The following PRKG2 variants were observed in gnomAD, a reference collection of about 807,000 sequenced individuals.
PRKG2 encodes protein kinase cGMP-dependent 2.
Under a neutral mutation model 97.2 loss-of-function variants are expected in PRKG2, and 33 were observed. The observed-to-expected ratio is 0.34, with a 90% CI of 0.26 to 0.45. The LOEUF (loss-of-function observed/expected upper bound fraction) is 0.45, where lower values mean the gene tolerates loss of function less well. Among genes scored for constraint, PRKG2 ranks in the 20% least tolerant of loss-of-function variants. The pLI is 1.00. For missense variants in PRKG2, 638 were observed against 900.0 expected (o/e 0.71, Z 3.73); for synonymous variants, 330 against 321.8 (o/e 1.03, Z -0.27).
intron 14 of PRKG2, among the ~76,000 whole-genome samples, chr4:81,114,545 C>T (rs1744313253): frequency 6.6e-6 from 1 of 152,084 alleles, no homozygotes; most frequent in South Asian, 2.1e-4. Context: ...TCAAGTACAG[C>T]TAATAATGGT....
At chr4:81,135,107 C>T (rs1465095122) in intron 14 of PRKG2, 48 bp downstream of exon 14, 4 of 1,503,994 alleles carry the variant, frequency 2.7e-6, no homozygotes, top group Non-Finnish European at 2.7e-6. Context: ...CAACTTTTGC[C>T]AGGGGAAATA....
chr4:81,129,284 T>C (rs1264669635), intron 14 of PRKG2, among the ~76,000 whole-genome samples: 2 of 152,212 alleles, frequency 1.3e-5, no homozygotes, highest in Non-Finnish European at 2.9e-5. Context: ...ATAAATATTC[T>C]GTTGACTTGC....
At chr4:81,135,637 G>A (rs1746607595) in intron 13 of PRKG2, among the ~76,000 whole-genome samples, 1 of 152,150 alleles carries the variant, frequency 6.6e-6, no homozygotes, top group South Asian at 2.1e-4. Flanking sequence ...TACTATAGTG[G>A]AGAGCTTGAA....
At chr4:81,127,762 C>T (rs1379090779) in intron 14 of PRKG2, among the ~76,000 whole-genome samples, 1 of 152,204 alleles carries the variant, frequency 6.6e-6, no homozygotes, top group Non-Finnish European at 1.5e-5. Flanking sequence ...AATATACAAT[C>T]ATGTCATCTG....
chr4:81,187,778 T>C (rs935470132), intron 2 of PRKG2, among the ~76,000 whole-genome samples: 2 of 152,106 alleles, frequency 1.3e-5, no homozygotes, highest in Admixed American at 6.6e-5. Context: ...CTCAGGATCC[T>C]AAATCAATGT....
At position 81,204,638 on chromosome 4, in the gene PRKG2, T is replaced by C; in HGVS notation, c.410A>G (p.Asn137Ser). 1 of 1,614,186 alleles carries C rather than the reference T, an allele frequency of 6.2e-7. No homozygotes were observed. The highest frequency in any genetic ancestry group is 1.1e-5 in the South Asian group (1 of 91,076). The change falls in exon 2 of 19, where the codon AAC (asparagine) becomes AGC (serine). Residue 137 changes from asparagine (N) to serine (S), a missense_variant. Asn to Ser is a conservative substitution (Grantham distance 46). Coordinates refer to ENST00000264399, the MANE Select transcript of PRKG2 (RefSeq NM_006259.3). ...AEPTTRTYDLNKPPEFSFEKA... is the reference protein window; with the variant it reads ...AEPTTRTYDLSKPPEFSFEKA... ...CTCAAAGGAAAATTCAGGGGGTTTG[T>C]TCAGGTCATAGGTCCGGGTTGTTGG...
chr4:81,156,343 T>A (rs1271364338), intron 6 of PRKG2, among the ~76,000 whole-genome samples: 3 of 152,178 alleles, frequency 2.0e-5, no homozygotes, highest in East Asian at 1.9e-4. Flanking sequence ...AGGCCATTAT[T>A]TAATGGTAAA....
chr4:81,148,983 A>T, intron 8 of PRKG2, 31 bp from the exon 9 acceptor site: 1 of 1,594,688 alleles, frequency 6.3e-7, no homozygotes, highest in Non-Finnish European at 8.6e-7. Context: ...GTCAATTTTC[A>T]CTATAATTAG....
chr4:81,154,823 G>C (rs928399009), intron 6 of PRKG2, among the ~76,000 whole-genome samples: 1 of 152,156 alleles, frequency 6.6e-6, no homozygotes, highest in Non-Finnish European at 1.5e-5. Flanking sequence ...ATTACTCTGA[G>C]CTACGGGAGG....
At chr4:81,112,445 GTTTTGTTGGTTTA>G (rs1247126729) in intron 14 of PRKG2, among the ~76,000 whole-genome samples, 1 of 149,378 alleles carries the variant, frequency 6.7e-6, no homozygotes, top group Non-Finnish European at 1.5e-5. Flanking sequence ...TGAAAATATT[GTTTTGTTGGTTTA>G]TAACAGACTT....
In PRKG2 at chr4:81,142,845, G is replaced by A. The variant is rs755234342; in HGVS notation, c.1356C>T (p.Asn452=). 3 of 1,612,906 alleles carry A rather than the reference G, an allele frequency of 1.9e-6. No individual in the cohort carries two copies. The South Asian group carries it at 3.3e-5, about 18-fold the overall frequency. The part of the protein sequence containing the change: ...ARFSSSSPFQ[N]LEIIATLGVG... ...CGCCCAGTGTTGCAATAATCTCAAGGTTCTGGAATGGGGATGATGAGGAAA... is the reference window on the plus strand; with the variant it reads ...CGCCCAGTGTTGCAATAATCTCAAGATTCTGGAATGGGGATGATGAGGAAA... The change falls in exon 11 of 19, where the codon AAC becomes AAT. Residue 452 remains asparagine, a synonymous_variant. Transcript: ENST00000264399.
At chr4:81,199,957 T>C (rs950685829) in intron 2 of PRKG2, among the ~76,000 whole-genome samples, 28 of 152,186 alleles carry the variant, frequency 1.8e-4, no homozygotes, top group African/African-American at 5.3e-4. Context: ...TTCCTTTTCA[T>C]GAAAGAACAA....
intron 14 of PRKG2, among the ~76,000 whole-genome samples, chr4:81,115,453 T>A (rs1744421649): frequency 6.6e-6 from 1 of 152,216 alleles, no homozygotes; most frequent in African/African-American, 2.4e-5. Flanking sequence ...TTTTGGCCCT[T>A]GGTTACTCTA....
chr4:81,150,460 G>A (rs1174645302), intron 8 of PRKG2, among the ~76,000 whole-genome samples: 1 of 152,140 alleles, frequency 6.6e-6, no homozygotes, highest in Non-Finnish European at 1.5e-5. Flanking sequence ...GCCCTAAAAT[G>A]TGATAGCATT....
intron 2 of PRKG2, among the ~76,000 whole-genome samples, chr4:81,203,830 C>G (rs1753471873): frequency 6.6e-6 from 1 of 152,164 alleles, no homozygotes; most frequent in African/African-American, 2.4e-5. Flanking sequence ...ATTGTTCCCT[C>G]TGCCTGAAAT....
chr4:81,130,049 T>C (rs1325842901), intron 14 of PRKG2, among the ~76,000 whole-genome samples: 1 of 152,176 alleles, frequency 6.6e-6, no homozygotes, highest in African/African-American at 2.4e-5. Flanking sequence ...TCTTTCGGCA[T>C]TTGCTTCTCT....
At chr4:81,111,359 T>C (rs1743931594) in intron 14 of PRKG2, among the ~76,000 whole-genome samples, 1 of 151,652 alleles carries the variant, frequency 6.6e-6, no homozygotes, top group African/African-American at 2.4e-5. Flanking sequence ...AAGTTAACTC[T>C]CAGACTTCAG....
At chr4:81,177,601 G>A (rs530141899) in intron 2 of PRKG2, among the ~76,000 whole-genome samples, 139 of 152,242 alleles carry the variant, frequency 9.1e-4, no homozygotes, top group Non-Finnish European at 1.6e-3. Context: ...TGTGGAGGCT[G>A]AGGCAGGAGA....
chr4:81,117,112 C>A (rs1470552941), intron 14 of PRKG2, among the ~76,000 whole-genome samples: 1 of 150,442 alleles, frequency 6.6e-6, no homozygotes, highest in African/African-American at 2.5e-5. Context: ...CCCATCTCAG[C>A]CTCCCAAGTA....
Sources: allele counts gnomAD v4.1 joint callset (sites outside exome capture counted in the v4.1 genomes callset), GRCh38; gene constraint gnomAD v4.1.1; transcripts MANE v1.5; gene names NCBI Gene and HGNC (gene_info 2026-07-23, HGNC 2026-07-21).